Variants in CCDC33 observed in about 807,000 individuals in gnomAD.
CCDC33 encodes coiled-coil domain containing 33, also known as coiled-coil domain-containing protein 33.
CCDC33 carries 94 observed loss-of-function variants against 91.9 expected under a neutral mutation model. The observed-to-expected ratio is 1.02, with a 90% CI of 0.87 to 1.21. The LOEUF is 1.21. Ranked by LOEUF, CCDC33 falls within the 50% of genes most tolerant of loss-of-function variation. CCDC33 has a pLI of 0.00. For synonymous variants in CCDC33, 396 were observed against 374.5 expected, an observed-to-expected ratio of 1.06 and a Z score of -0.66; for missense variants, 940 against 935.5, an observed-to-expected ratio of 1.00 and a Z score of -0.06.
At chr15:74,212,266 A>C (rs200137284), upstream of CCDC33, 6 of 152,394 alleles carry the variant, frequency 3.9e-5, no homozygotes, top group East Asian at 7.7e-4. Flanking sequence ...AACTGGGCAC[A>C]TGAAGACAAA....
At chr15:74,225,603 C>T (rs1294283214) in intron 2 of CCDC33, among the ~76,000 whole-genome samples, 1 of 152,038 alleles carries the variant, frequency 6.6e-6, no homozygotes, top group Admixed American at 6.6e-5. Context: ...CGCACATCCT[C>T]CCACACACAG....
At chr15:74,280,608 T>C in intron 8 of CCDC33, 60 bp from the exon 9 acceptor site, 1 of 1,419,988 alleles carries the variant, frequency 7.0e-7, no homozygotes, top group Non-Finnish European at 9.3e-7. Flanking sequence ...TGTCAGGTAT[T>C]AAAGGATGGG....
intron 2 of CCDC33, among the ~76,000 whole-genome samples, chr15:74,229,106 C>T (rs1011405640): frequency 6.6e-6 from 1 of 152,208 alleles, no homozygotes; most frequent in African/African-American, 2.4e-5. Context: ...TCCCCACAAG[C>T]ACCTCAGTAA....
At chr15:74,233,613 A>G (rs2075052785), upstream of CCDC33, among the ~76,000 whole-genome samples, 1 of 152,044 alleles carries the variant, frequency 6.6e-6, no homozygotes, top group Non-Finnish European at 1.5e-5. Context: ...GCTGGGTTTA[A>G]ACTGAAGTCA....
chr15:74,207,798 ACT>A (rs775960624), intron 1 of CCDC33: 46 of 1,534,710 alleles, frequency 3.0e-5, no homozygotes, highest in Admixed American at 5.9e-5. Flanking sequence ...GGCACAGCAC[ACT>A]CACACACACA....
At chr15:74,239,124 A>C (rs1373176530) in intron 1 of CCDC33, among the ~76,000 whole-genome samples, 1 of 152,132 alleles carries the variant, frequency 6.6e-6, no homozygotes, top group Non-Finnish European at 1.5e-5. Context: ...GCAGCCAGGC[A>C]CCCTGCCTCC....
At chr15:74,332,871 C>A (rs1267943216) in intron 16 of CCDC33, 26 bp downstream of exon 16, 13 of 1,606,614 alleles carry the variant, frequency 8.1e-6, no homozygotes, top group Non-Finnish European at 1.0e-5. Context: ...CCTGGGCCTG[C>A]CTATGCCGGT....
intron 10 of CCDC33, among the ~76,000 whole-genome samples, chr15:74,288,189 T>C (rs28541393): frequency 0.013 from 1,921 of 152,160 alleles, 36 homozygotes; most frequent in African/African-American, 0.044. Flanking sequence ...TAAACTTCCT[T>C]CTGTCTCTCT....
rs2076227637 is a variant in CCDC33 at position 74,268,453 on chromosome 15, C to T, written c.541C>T (p.Leu181=). The change falls in exon 5 of 19, where the codon CTG becomes TTG. Residue 181 remains leucine (L), a synonymous_variant. Transcript: ENST00000398814. ...CTACATCGGCTGCAACCACATGGCT[C>T]TGGAGGTACCAGGGCTGGGGCCCTC... ...PRYIGCNHMA[L]EIFLRGVNEP... The T allele has an allele frequency of 1.3e-6, 2 of 1,515,834 alleles. No individual in the cohort carries two copies. 93.9% of individuals were successfully genotyped at this position (1,515,834 alleles called of 1,614,324 possible).
At chr15:74,285,126 G>A (rs2959016) in intron 10 of CCDC33, among the ~76,000 whole-genome samples, 92,444 of 152,200 alleles carry the variant, frequency 0.61, 33,349 homozygotes, top group Non-Finnish European at 0.82. Flanking sequence ...CTGTCACAGA[G>A]CGGAAATGCT....
intron 2 of CCDC33, among the ~76,000 whole-genome samples, chr15:74,257,349 T>C (rs1395628741): frequency 6.6e-6 from 1 of 152,154 alleles, no homozygotes; most frequent in African/African-American, 2.4e-5. Context: ...GGGGGCCTTG[T>C]CAAGGCTGTT....
intron 1 of CCDC33, chr15:74,209,133 C>T: frequency 2.3e-6 from 3 of 1,318,992 alleles, no homozygotes; most frequent in Non-Finnish European, 2.0e-6. Flanking sequence ...AGGAACCCAC[C>T]CCACCCCCAT....
chr15:74,242,425 A>G (rs935072505), intron 1 of CCDC33, among the ~76,000 whole-genome samples: 5 of 152,068 alleles, frequency 3.3e-5, no homozygotes, highest in Non-Finnish European at 5.9e-5. Context: ...TTTCCTCTCT[A>G]TGTAATAGGA....
chr15:74,223,017 A>C (rs778852362), intron 2 of CCDC33, among the ~76,000 whole-genome samples: 1 of 151,810 alleles, frequency 6.6e-6, no homozygotes, highest in African/African-American at 2.4e-5. Flanking sequence ...TCAAGCAGGG[A>C]GAGGCACATG....
chr15:74,305,325 G>C (rs991256898), intron 11 of CCDC33, among the ~76,000 whole-genome samples: 1 of 152,198 alleles, frequency 6.6e-6, no homozygotes, highest in African/African-American at 2.4e-5. Flanking sequence ...TGCACCCTGA[G>C]ACCCAAGAAG....
In CCDC33 at chr15:74,326,376, C is replaced by T. The variant is rs2060310057; in HGVS notation, c.1291-3813C>T. Among the ~76,000 whole-genome samples the T allele has an allele frequency of 3.9e-5, 6 of 152,204 alleles. No homozygotes were observed. The South Asian group carries it at 1.2e-3, about 32-fold the overall frequency. On this transcript the variant is annotated intron_variant, in intron 11 of 18. Coordinates refer to ENST00000398814, the MANE Select transcript of CCDC33 (RefSeq NM_025055.5). ...GGTGGAGGAAAAAGAGATGCTGTTG[C>T]CAGGCACCCTGTGTGCCAGAGCCTG...
chr15:74,309,649 A>G (rs1040336014), intron 11 of CCDC33, among the ~76,000 whole-genome samples: 2 of 152,084 alleles, frequency 1.3e-5, no homozygotes, highest in Admixed American at 6.5e-5. Flanking sequence ...AGTACAGTGT[A>G]GGAGAGTGCA....
At chr15:74,334,421 T>G (rs1040544225) in intron 17 of CCDC33, among the ~76,000 whole-genome samples, 2 of 150,828 alleles carry the variant, frequency 1.3e-5, no homozygotes, top group Non-Finnish European at 2.9e-5. Context: ...GGGTTCAGTG[T>G]GTGACCAGGG....
At position 74,331,129 on chromosome 15, in the gene CCDC33, C is replaced by T; in HGVS notation, c.1677+17C>T. 3 of 1,613,106 alleles carry T rather than the reference C, an allele frequency of 1.9e-6. No individual in the cohort carries two copies. The highest frequency in any genetic ancestry group is 2.5e-6 in the Non-Finnish European group (3 of 1,179,406). ...CAAGAGAAGGCAGGTGGCAGAGGGG[C>T]TGCCCCCGAGGCCAACTGATGATGG... is the stretch of plus-strand genomic sequence containing the variant. On this transcript the variant is annotated intron_variant, in intron 14 of 18. Coordinates refer to ENST00000398814, the MANE Select transcript of CCDC33 (RefSeq NM_025055.5).
Sources: allele counts gnomAD v4.1 joint callset (sites outside exome capture counted in the v4.1 genomes callset), GRCh38; gene constraint gnomAD v4.1.1; transcripts MANE v1.5; gene names NCBI Gene and HGNC (gene_info 2026-07-23, HGNC 2026-07-21).